BCCIP: variants seen among roughly 807,000 people sequenced by gnomAD.
BCCIP encodes the protein BRCA2 and CDKN1A-interacting protein.
A neutral mutation model predicts 32.8 loss-of-function variants in BCCIP; 23 were observed. The observed-to-expected ratio is 0.70, with a 90% CI of 0.51 to 0.99. The LOEUF is 0.99. BCCIP is among the 50% of genes least tolerant of loss of function. The pLI is 0.00. For synonymous variants in BCCIP, 144 were observed against 137.6 expected (o/e 1.05, Z -0.33); for missense variants, 378 against 379.8 (o/e 1.00, Z 0.04).
chr10:125,836,775 TC>T, downstream of BCCIP: 1 of 1,614,144 alleles, frequency 6.2e-7, no homozygotes, highest in Non-Finnish European at 8.5e-7. Context: ...GGATAGGTGA[TC>T]CACTACTTGC....
chr10:125,828,528 T>C (rs1384551885), intron 3 of BCCIP, among the ~76,000 whole-genome samples: 1 of 152,114 alleles, frequency 6.6e-6, no homozygotes, highest in East Asian at 1.9e-4. Flanking sequence ...GAAACAATAG[T>C]GCAGTGATGT....
At chr10:125,846,693 T>C (rs910900811), downstream of BCCIP, among the ~76,000 whole-genome samples, 20 of 152,230 alleles carry the variant, frequency 1.3e-4, no homozygotes, top group Middle Eastern at 3.2e-3. Context: ...TCCATACTTA[T>C]AGGACAGGAT....
chr10:125,826,382 G>C, intron 1 of BCCIP: 3 of 671,054 alleles, frequency 4.5e-6, no homozygotes, highest in Non-Finnish European at 6.8e-6. Context: ...TGTGGCTGCC[G>C]TGTCTGGTTT....
downstream of BCCIP, among the ~76,000 whole-genome samples, chr10:125,844,056 A>T (rs536051911): frequency 6.6e-6 from 1 of 152,216 alleles, no homozygotes; most frequent in Non-Finnish European, 1.5e-5. Flanking sequence ...TTACCGTCTT[A>T]CTTGTTCATT....
chr10:125,847,677 T>C (rs915501318), downstream of BCCIP, among the ~76,000 whole-genome samples: 3 of 152,204 alleles, frequency 2.0e-5, no homozygotes, highest in Non-Finnish European at 4.4e-5. Flanking sequence ...TACATTGTAA[T>C]ATATAATGAA....
At chr10:125,853,172 C>T in exon 8 of BCCIP, 1 of 1,613,158 alleles carries the variant, frequency 6.2e-7, no homozygotes, top group Non-Finnish European at 8.5e-7. Flanking sequence ...GAAGGCTGGA[C>T]TAATTCAATC....
downstream of BCCIP, chr10:125,838,314 AG>A (rs1329750504): frequency 1.2e-6 from 2 of 1,613,822 alleles, no homozygotes; most frequent in Non-Finnish European, 1.7e-6. Context: ...GTAACCAGAC[AG>A]GGGATGCAGC....
At chr10:125,852,977 C>A (rs376019566) in intron 7 of BCCIP, 3 of 648,516 alleles carry the variant, frequency 4.6e-6, no homozygotes, top group Non-Finnish European at 8.1e-6. Flanking sequence ...AGAAAGGGTT[C>A]TCACCTGATA....
chr10:125,847,818 C>T (rs1043424615), intron 7 of BCCIP, among the ~76,000 whole-genome samples: 6 of 152,030 alleles, frequency 3.9e-5, no homozygotes, highest in East Asian at 1.9e-4. Context: ...TCATAAGGAG[C>T]GGGCAGCCTA....
intron 7 of BCCIP, among the ~76,000 whole-genome samples, chr10:125,849,974 G>C (rs536309293): frequency 6.6e-6 from 1 of 152,004 alleles, no homozygotes; most frequent in Non-Finnish European, 1.5e-5. Context: ...AGAATCTTTT[G>C]TTTCTCTTTT....
At chr10:125,826,368 C>G in intron 1 of BCCIP, 1 of 602,034 alleles carries the variant, frequency 1.7e-6, no homozygotes, top group Non-Finnish European at 2.6e-6. Flanking sequence ...AATAATTTAT[C>G]CTTTGTGGCT....
downstream of BCCIP, among the ~76,000 whole-genome samples, chr10:125,838,667 C>T (rs1027958312): frequency 7.9e-5 from 12 of 152,112 alleles, no homozygotes; most frequent in South Asian, 2.1e-4. Context: ...AAACTTAGCA[C>T]GCTACCCACC....
At chr10:125,842,741 A>G (rs1240143745) in exon 7 of BCCIP, 19 of 806,234 alleles carry the variant, frequency 2.4e-5, no homozygotes, top group Middle Eastern at 6.3e-4. Context: ...TGGATCTCAG[A>G]TGCTAGAAAT....
intron 5 of BCCIP, 144 bp downstream of exon 5, chr10:125,831,751 A>G (rs1051263239): frequency 1.5e-6 from 1 of 672,602 alleles, no homozygotes; most frequent in Non-Finnish European, 2.4e-6. Context: ...TGGAAGAAAC[A>G]TCCTGTGAAG....
Position 125,823,589 on chromosome 10 carries a change from A to C in BCCIP, c.32A>C (p.Glu11Ala). Residue 11 changes from glutamate to alanine, a missense_variant, in exon 1 of 7, where the codon GAA (glutamate) becomes GCA (alanine). Glu to Ala is a moderately radical substitution (Grantham distance 107). Coordinates refer to ENST00000278100, the MANE Select transcript of BCCIP (RefSeq NM_078468.3). MASRSKRRAV[E>A]SGVPQPPDPP... ...TCCAGGTCTAAGCGGCGTGCCGTGG[A>C]AAGTGGGGTTCCGCAGCCGCCGGAT... is the stretch of plus-strand genomic sequence containing the variant. 1 of 1,614,032 alleles carries C rather than the reference A, an allele frequency of 6.2e-7. No homozygotes were observed. The highest frequency in any genetic ancestry group is 1.7e-5 in the Admixed American group (1 of 60,024).
chr10:125,824,835 G>A (rs1220303318), intron 1 of BCCIP, among the ~76,000 whole-genome samples: 2 of 152,234 alleles, frequency 1.3e-5, no homozygotes, highest in African/African-American at 4.8e-5. Context: ...TCACAATTGA[G>A]GGACGGAAAG....
chr10:125,852,279 G>A (rs754505143), intron 7 of BCCIP: 1 of 1,611,654 alleles, frequency 6.2e-7, no homozygotes, highest in Non-Finnish European at 8.5e-7. Flanking sequence ...GCTGACATGG[G>A]AGCATAAGGC....
In BCCIP at chr10:125,827,656, G is replaced by A. The variant is rs201006974; in HGVS notation, c.321+18G>A. On this transcript the variant is annotated intron_variant, in intron 3 of 6. Coordinates refer to ENST00000278100, the MANE Select transcript of BCCIP (RefSeq NM_078468.3). Reference sequence around the variant, plus strand: ...TGATTAAGGTAAGTAGGATAATTGTGTTTATTCTGATTAAATGAGTTCTTT... The same window carrying A: ...TGATTAAGGTAAGTAGGATAATTGTATTTATTCTGATTAAATGAGTTCTTT... 14 of 1,541,092 alleles carry A rather than the reference G, an allele frequency of 9.1e-6. No individual in the cohort carries two copies. The highest frequency in any genetic ancestry group is 1.3e-5 in the Non-Finnish European group (14 of 1,115,250).
chr10:125,839,325 G>T (rs879080229), downstream of BCCIP: 2 of 834,244 alleles, frequency 2.4e-6, no homozygotes, highest in Non-Finnish European at 3.6e-6. Context: ...GTGGCAGGAA[G>T]GCAGCAAGGA....
Sources: gnomAD v4.1 joint callset for allele counts (sites outside exome capture counted in the v4.1 genomes callset) on GRCh38, gnomAD v4.1.1 for gene constraint, MANE v1.5 for transcripts, NCBI Gene and HGNC (gene_info 2026-07-23, HGNC 2026-07-21) for gene names.